Variants in TBC1D5 observed in about 807,000 individuals in gnomAD.
TBC1D5 encodes the protein TBC1 domain family member 5, also known as TBC1 domain family, member 5.
In TBC1D5, 75 loss-of-function variants were observed where a neutral mutation model predicts 100.3. The observed-to-expected ratio is 0.75, with a 90% confidence interval of 0.62 to 0.91. TBC1D5 has a LOEUF of 0.91. Ranked by LOEUF, TBC1D5 falls within the 40% of genes least tolerant of loss-of-function variation. The probability of loss-of-function intolerance (pLI) is 0.00; values close to 1 mark genes in which losing one functional copy is unlikely to be tolerated. For missense variants in TBC1D5, 910 were observed against 942.4 expected, an observed-to-expected ratio of 0.97 and a Z score of 0.45; for synonymous variants, 323 against 325.6, an observed-to-expected ratio of 0.99 and a Z score of 0.09.
intron 3 of TBC1D5, among the ~76,000 whole-genome samples, chr3:17,438,394 A>C (rs1021513679): frequency 6.6e-6 from 1 of 152,164 alleles, no homozygotes; most frequent in African/African-American, 2.4e-5. Context: ...CCCACATATC[A>C]ATGGGAAGGA....
chr3:17,306,934 G>A (rs1231965121), intron 14 of TBC1D5, among the ~76,000 whole-genome samples: 1 of 152,066 alleles, frequency 6.6e-6, no homozygotes, highest in Non-Finnish European at 1.5e-5. Flanking sequence ...GGCTCAGAAG[G>A]AAGAAACTTT....
intron 2 of TBC1D5, among the ~76,000 whole-genome samples, chr3:17,551,574 T>A (rs981617030): frequency 6.6e-6 from 1 of 152,150 alleles, no homozygotes; most frequent in Non-Finnish European, 1.5e-5. Flanking sequence ...AATCCATTCT[T>A]ATCATGCATT....
Position 17,564,917 on chromosome 3 carries a change from A to G in TBC1D5, c.-35-56312T>C, listed in dbSNP as rs13434330. 1.1e-3 allele frequency among the ~76,000 whole-genome samples: 169 copies of G among 152,268 alleles called. 1 individual carries two copies. The highest frequency in any genetic ancestry group is 3.8e-3 in the African/African-American group (160 of 41,566). On this transcript the variant is annotated intron_variant, in intron 2 of 21. Coordinates refer to ENST00000253692, the Ensembl canonical transcript of TBC1D5. ...TAAAATGAGCCCAAAAATCAACATCATATATTCATTTTTGTTGTGCTTTTG... is the reference window on the plus strand; with the variant it reads ...TAAAATGAGCCCAAAAATCAACATCGTATATTCATTTTTGTTGTGCTTTTG...
chr3:17,325,268 TAAAA>T (rs35243838), intron 13 of TBC1D5, among the ~76,000 whole-genome samples: 2 of 127,808 alleles, frequency 1.6e-5, no homozygotes, highest in Admixed American at 8.1e-5. Flanking sequence ...AGTACTCAGT[TAAAA>T]AAAAAAAAAA....
At chr3:17,547,236 T>C (rs1050372573) in intron 2 of TBC1D5, among the ~76,000 whole-genome samples, 3 of 152,124 alleles carry the variant, frequency 2.0e-5, no homozygotes, top group Non-Finnish European at 4.4e-5. Flanking sequence ...CTTTTAAATA[T>C]CTAAAAACAA....
intron 2 of TBC1D5, among the ~76,000 whole-genome samples, chr3:17,528,347 C>T (rs912792095): frequency 1.3e-5 from 2 of 152,056 alleles, no homozygotes; most frequent in African/African-American, 4.8e-5. Flanking sequence ...TGTCCTTTTT[C>T]GCCCTTCCAT....
chr3:17,325,467 G>T (rs577423487), intron 13 of TBC1D5, among the ~76,000 whole-genome samples: 1 of 152,104 alleles, frequency 6.6e-6, no homozygotes, highest in South Asian at 2.1e-4. Flanking sequence ...GGATTTACAG[G>T]CATGCGCCTC....
At chr3:17,308,247 T>G in intron 13 of TBC1D5, 113 bp from the exon 14 acceptor site, 1 of 1,018,928 alleles carries the variant, frequency 9.8e-7, no homozygotes, top group African/African-American at 1.7e-5. Flanking sequence ...GCAAATATTA[T>G]ATATCAAAAA....
At chr3:17,551,022 T>C (rs1256028226) in intron 2 of TBC1D5, among the ~76,000 whole-genome samples, 2 of 152,042 alleles carry the variant, frequency 1.3e-5, no homozygotes, top group African/African-American at 2.4e-5. Flanking sequence ...AAAAAACAAG[T>C]ATTAAACACT....
chr3:17,374,012 A>G (rs2092594412), intron 12 of TBC1D5, among the ~76,000 whole-genome samples: 1 of 152,164 alleles, frequency 6.6e-6, no homozygotes, highest in Admixed American at 6.6e-5. Context: ...TGTGAATTAT[A>G]TAAAAATTTA....
chr3:17,428,538 A>C lies in TBC1D5; in HGVS notation c.98-19T>G. 1 of 1,377,162 alleles carries C rather than the reference A, an allele frequency of 7.3e-7. No homozygotes were observed. The highest frequency in any genetic ancestry group is 9.8e-7 in the Non-Finnish European group (1 of 1,022,530). The allele number at this position is 1,377,162 out of a possible 1,614,324, so 85.3% of individuals were successfully genotyped here. ...GAATCTCCTGGAGAAAAAAATTACGACACTGAAATAATGGAGATAAACTGA... is the reference window on the plus strand; with the variant it reads ...GAATCTCCTGGAGAAAAAAATTACGCCACTGAAATAATGGAGATAAACTGA... On this transcript the variant is annotated intron_variant, in intron 3 of 21. Coordinates refer to ENST00000253692, the Ensembl canonical transcript of TBC1D5.
At chr3:17,266,893 C>G (rs1473493107) in intron 15 of TBC1D5, among the ~76,000 whole-genome samples, 2 of 150,376 alleles carry the variant, frequency 1.3e-5, no homozygotes, top group Non-Finnish European at 3.0e-5. Flanking sequence ...TAGAGTAAAC[C>G]AAAAAAAGAA....
At chr3:17,512,152 T>A (rs2095916874) in intron 2 of TBC1D5, among the ~76,000 whole-genome samples, 1 of 152,078 alleles carries the variant, frequency 6.6e-6, no homozygotes, top group African/African-American at 2.4e-5. Flanking sequence ...ATCATTTTCC[T>A]ACGAATTTCC....
chr3:17,223,853 C>G (rs887992090), intron 17 of TBC1D5, among the ~76,000 whole-genome samples: 1 of 151,964 alleles, frequency 6.6e-6, no homozygotes, highest in East Asian at 1.9e-4. Flanking sequence ...TGAGATCGCA[C>G]CACTGCCTTC....
chr3:17,273,991 CAA>C (rs2079700061), intron 15 of TBC1D5, among the ~76,000 whole-genome samples: 1 of 131,938 alleles, frequency 7.6e-6, no homozygotes, highest in South Asian at 2.4e-4. Context: ...TCAAGAAGCT[CAA>C]AGTTTAACTG....
chr3:17,231,758 T>C (rs924089709), intron 17 of TBC1D5, among the ~76,000 whole-genome samples: 2 of 152,286 alleles, frequency 1.3e-5, no homozygotes, highest in South Asian at 4.1e-4. Flanking sequence ...ATCAGGTAGG[T>C]GTACTCTCAT....
At chr3:17,628,506 A>G (rs370315709) in intron 1 of TBC1D5, among the ~76,000 whole-genome samples, 2 of 152,152 alleles carry the variant, frequency 1.3e-5, no homozygotes, top group African/African-American at 4.8e-5. Flanking sequence ...AAATAACAAC[A>G]TAAACTACAA....
chr3:17,626,866 G>C (rs1408479817), intron 1 of TBC1D5, among the ~76,000 whole-genome samples: 1 of 152,082 alleles, frequency 6.6e-6, no homozygotes, highest in East Asian at 1.9e-4. Context: ...AAAAAACTAG[G>C]ACAAATTTAT....
At chr3:17,570,769 A>G (rs954097634) in intron 2 of TBC1D5, among the ~76,000 whole-genome samples, 1 of 152,032 alleles carries the variant, frequency 6.6e-6, no homozygotes, top group African/African-American at 2.4e-5. Flanking sequence ...CTGCAGTATC[A>G]TAATGTCGAT....
Sources: gnomAD v4.1 joint callset for allele counts (sites outside exome capture counted in the v4.1 genomes callset) on GRCh38, gnomAD v4.1.1 for gene constraint, MANE v1.5 for transcripts, NCBI Gene and HGNC (gene_info 2026-07-23, HGNC 2026-07-21) for gene names.